Variants in EEPD1 observed in about 807,000 individuals in gnomAD.
EEPD1 encodes the protein endonuclease/exonuclease/phosphatase family domain-containing protein 1.
EEPD1 carries 17 observed loss-of-function variants against 46.3 expected under a neutral mutation model. The ratio of observed to expected loss-of-function variants is 0.37; its 90% CI spans 0.25 to 0.55. The LOEUF (loss-of-function observed/expected upper bound fraction) is 0.55, where lower values mean the gene tolerates loss of function less well. Ranked by LOEUF, EEPD1 falls within the 20% of genes least tolerant of loss-of-function variation. EEPD1 has a pLI of 0.83. For missense variants in EEPD1, 673 were observed against 745.6 expected, an observed-to-expected ratio of 0.90 and a Z score of 1.13; for synonymous variants, 313 against 315.6, an observed-to-expected ratio of 0.99 and a Z score of 0.09.
chr7:36,216,196 G>A (rs533448090), intron 2 of EEPD1, among the ~76,000 whole-genome samples: 45 of 152,150 alleles, frequency 3.0e-4, no homozygotes, highest in Admixed American at 5.9e-4. Context: ...GAGAGAAGAG[G>A]TTCCAAAGCT....
intron 2 of EEPD1, among the ~76,000 whole-genome samples, chr7:36,202,386 G>T (rs1562684910): frequency 6.6e-6 from 1 of 152,122 alleles, no homozygotes; most frequent in Non-Finnish European, 1.5e-5. Context: ...CTTATTTTCT[G>T]CAGGGACTTG....
At chr7:36,241,473 AAAAT>A (rs534305995) in intron 3 of EEPD1, among the ~76,000 whole-genome samples, 7 of 151,974 alleles carry the variant, frequency 4.6e-5, no homozygotes, top group African/African-American at 7.2e-5. Flanking sequence ...ACTCTGTCTC[AAAAT>A]AAATAAATAA....
At position 36,287,686 on chromosome 7, in the gene EEPD1, G is replaced by T. The variant is rs1172943512; in HGVS notation, c.1224G>T (p.Leu408=). ...LTLVNLHLAA[L]TLLGSENPSK... The stretch of plus-strand genomic sequence containing the variant: ...TTGTTAACCTTCACCTGGCAGCCCT[G>T]ACCCTCCTGGGGAGCGAGAATCCCA... The change falls in exon 6 of 8, where the codon CTG becomes CTT. Residue 408 remains leucine, a synonymous_variant. Transcript: ENST00000242108. 1.2e-6 allele frequency: 2 copies of T among 1,614,140 alleles called. No homozygotes were observed.
At position 36,154,456 on chromosome 7, in the gene EEPD1, T is replaced by A. The variant is rs1039583006; in HGVS notation, c.132T>A (p.Thr44=). The A allele has an allele frequency of 6.2e-7, 1 of 1,614,132 alleles. No individual in the cohort carries two copies. Among genetic ancestry groups the A allele is most frequent in the South Asian group, 1.1e-5 (1 of 91,086 alleles). The part of the protein sequence containing the change: ...LVNQERLNIN[T]ATEEELMTLP... ...ATCAGGAGCGGCTCAACATCAACAC[T>A]GCCACGGAGGAGGAGCTGATGACCC... is the stretch of plus-strand genomic sequence containing the variant. The change falls in exon 2 of 8, where the codon ACT becomes ACA. Residue 44 remains threonine, a synonymous_variant. Coordinates refer to ENST00000242108, the MANE Select transcript of EEPD1 (RefSeq NM_030636.3). The surrounding 1 kb of genome is among the most constrained non-coding windows in gnomAD (Gnocchi z 4.2).
At chr7:36,252,181 T>A (rs1053390302) in intron 3 of EEPD1, among the ~76,000 whole-genome samples, 3 of 152,224 alleles carry the variant, frequency 2.0e-5, no homozygotes, top group African/African-American at 7.2e-5. Context: ...CCATGCGGAT[T>A]ACAGACTCAG....
At chr7:36,271,876 ATTC>A (rs1787110546) in intron 3 of EEPD1, among the ~76,000 whole-genome samples, 3 of 19,070 alleles carry the variant, frequency 1.6e-4, no homozygotes, top group African/African-American at 3.5e-4. Flanking sequence ...ATTCTATTCT[ATTC>A]TATTGTATTC....
chr7:36,241,734 G>A (rs894409232), intron 3 of EEPD1, among the ~76,000 whole-genome samples: 5 of 152,078 alleles, frequency 3.3e-5, no homozygotes, highest in Non-Finnish European at 5.9e-5. Flanking sequence ...AGGCGGTAGT[G>A]GCATGTGCCT....
chr7:36,288,850 C>T (rs1179723318), intron 6 of EEPD1, among the ~76,000 whole-genome samples: 1 of 151,876 alleles, frequency 6.6e-6, no homozygotes, highest in African/African-American at 2.4e-5. Context: ...CTTGGTTTAC[C>T]AAAAGAAAAG....
At chr7:36,290,570 C>T (rs184195177) in intron 6 of EEPD1, among the ~76,000 whole-genome samples, 1 of 152,292 alleles carries the variant, frequency 6.6e-6, no homozygotes, top group East Asian at 1.9e-4. Context: ...AGCTCCGGGC[C>T]TTTCTGCCTT....
At chr7:36,204,821 T>TG (rs879283583) in intron 2 of EEPD1, among the ~76,000 whole-genome samples, 3 of 151,890 alleles carry the variant, frequency 2.0e-5, no homozygotes, top group Non-Finnish European at 1.5e-5. Context: ...TTTGTTTGTT[T>TG]TTTAAAAAAA....
chr7:36,299,281 TCAGGG>T lies in EEPD1; in HGVS notation c.*79_*83del. The T allele has an allele frequency of 6.7e-7, 1 of 1,495,638 alleles. No individual in the cohort carries two copies. The highest frequency in any genetic ancestry group is 2.4e-5 in the East Asian group (1 of 41,716). The allele number at this position is 1,495,638 out of a possible 1,614,324, so 92.6% of individuals were successfully genotyped here. A position where few individuals can be genotyped will look rare whatever the true frequency, so the allele number is the denominator to read the frequency against. On this transcript the variant is annotated 3_prime_UTR_variant, in exon 8 of 8. Coordinates refer to ENST00000242108, the MANE Select transcript of EEPD1 (RefSeq NM_030636.3). ...GGAATGAGCCCTGTGGGGTGACGCT[TCAGGG>T]CAGAGCTGCCTTTTAATTTTTATTC...
At chr7:36,164,654 G>A (rs1045643591) in intron 2 of EEPD1, among the ~76,000 whole-genome samples, 67 of 152,154 alleles carry the variant, frequency 4.4e-4, no homozygotes, top group African/African-American at 1.5e-3. Context: ...TTTCCTCTAG[G>A]AGATTGACTG....
At position 36,247,207 on chromosome 7, in the gene EEPD1, C is replaced by T. The variant is rs146646517; in HGVS notation, c.930+8171C>T. Among the ~76,000 whole-genome samples the T allele has an allele frequency of 4.8e-4, 72 of 151,400 alleles. No individual in the cohort carries two copies. The East Asian group carries it at 5.8e-3, about 12-fold the overall frequency. ...CCAGGCAAACCCTAGTGGTGGGCAA[C>T]GTTAGAATGATAGCTTCCTGGGAAT... On this transcript the variant is annotated intron_variant, in intron 3 of 7. Transcript: ENST00000242108.
chr7:36,264,796 G>GCT, intron 3 of EEPD1, among the ~76,000 whole-genome samples: 1 of 151,892 alleles, frequency 6.6e-6, no homozygotes, highest in Non-Finnish European at 1.5e-5. Context: ...TGGGTATTTG[G>GCT]CTTTCCATTT....
At chr7:36,177,239 T>A (rs200407281) in intron 2 of EEPD1, among the ~76,000 whole-genome samples, 1 of 92 alleles carries the variant, frequency 0.011, no homozygotes, top group Admixed American at 0.5. Flanking sequence ...TTACTTGAGG[T>A]TTTTTTTTTT....
chr7:36,245,283 G>T (rs772250399), intron 3 of EEPD1, among the ~76,000 whole-genome samples: 1 of 152,036 alleles, frequency 6.6e-6, no homozygotes, highest in Non-Finnish European at 1.5e-5. Flanking sequence ...TGAAGAGGGG[G>T]ACATTTTGCC....
intron 2 of EEPD1, among the ~76,000 whole-genome samples, chr7:36,173,531 C>T (rs2115635330): frequency 6.6e-6 from 1 of 152,012 alleles, no homozygotes. Flanking sequence ...AGTTCCCCAC[C>T]CCCAGCTTCT....
At chr7:36,274,773 C>A (rs969077554) in intron 3 of EEPD1, among the ~76,000 whole-genome samples, 3 of 152,182 alleles carry the variant, frequency 2.0e-5, no homozygotes, top group African/African-American at 7.2e-5. Context: ...CACAGATATC[C>A]TCAGGTTCAG....
At chr7:36,251,610 C>T (rs1400124833) in intron 3 of EEPD1, among the ~76,000 whole-genome samples, 2 of 152,084 alleles carry the variant, frequency 1.3e-5, no homozygotes, top group African/African-American at 2.4e-5. Flanking sequence ...GTGCCTGGCC[C>T]CCTACTGGTA....
Sources: gnomAD v4.1 joint callset for allele counts (sites outside exome capture counted in the v4.1 genomes callset) on GRCh38, gnomAD v4.1.1 for gene constraint, Gnocchi (gnomAD v3.1) non-coding constraint, MANE v1.5 for transcripts, NCBI Gene and HGNC (gene_info 2026-07-23, HGNC 2026-07-21) for gene names.